MCTP1: variants seen among roughly 807,000 people sequenced by gnomAD.
MCTP1 encodes the protein multiple C2 and transmembrane domain containing 1, also known as multiple C2 and transmembrane domain-containing protein 1.
Under a neutral mutation model 120.6 loss-of-function variants are expected in MCTP1, and 69 were observed. The observed-to-expected ratio is 0.57, with a 90% CI of 0.47 to 0.70. MCTP1 has a LOEUF of 0.70. MCTP1 is among the 30% of genes least tolerant of loss of function. The probability of loss-of-function intolerance (pLI) is 0.00; values close to 1 mark genes in which losing one functional copy is unlikely to be tolerated. For missense variants in MCTP1, 1,203 were observed against 1,248.8 expected (o/e 0.96, Z 0.55); for synonymous variants, 529 against 493.1 (o/e 1.07, Z -0.96).
intron 1 of MCTP1, among the ~76,000 whole-genome samples, chr5:95,226,586 A>G (rs187061547): frequency 2.4e-3 from 368 of 151,712 alleles, no homozygotes; most frequent in African/African-American, 8.7e-3. Context: ...GCTCTCTCAG[A>G]ACACCTTTTT....
At chr5:94,798,977 AC>A (rs758622433) in intron 18 of MCTP1, 35 bp downstream of exon 18, 2 of 1,592,868 alleles carry the variant, frequency 1.3e-6, no homozygotes, top group South Asian at 2.3e-5. Flanking sequence ...CAGAATAAGA[AC>A]AAAAACACAT....
chr5:95,104,979 A>G (rs1756987214), intron 1 of MCTP1, among the ~76,000 whole-genome samples: 1 of 152,182 alleles, frequency 6.6e-6, no homozygotes, highest in South Asian at 2.1e-4. Flanking sequence ...TGTTCTGTAA[A>G]AAATTATTTA....
intron 17 of MCTP1, among the ~76,000 whole-genome samples, chr5:94,810,940 T>C (rs113226982): frequency 9.1e-4 from 139 of 152,302 alleles, no homozygotes; most frequent in African/African-American, 3.2e-3. Context: ...ATTTTCACCC[T>C]CATAAATAGA....
chr5:95,140,789 A>G (rs1315569683), intron 1 of MCTP1, among the ~76,000 whole-genome samples: 1 of 142,134 alleles, frequency 7.0e-6, no homozygotes, highest in African/African-American at 2.6e-5. Context: ...CTGAGGCAGG[A>G]GAATGGCGTG....
chr5:94,707,508 GTTTTTCTTTCTTT>G lies in MCTP1; in HGVS notation c.2975_2987del (p.Lys992ThrfsTer49). 1 of 1,611,364 alleles carries G rather than the reference GTTTTTCTTTCTTT, an allele frequency of 6.2e-7. No individual in the cohort carries two copies. The highest frequency in any genetic ancestry group is 8.5e-7 in the Non-Finnish European group (1 of 1,178,160). On this transcript the variant is annotated frameshift_variant, in exon 23 of 23. Coordinates refer to ENST00000515393, the MANE Select transcript of MCTP1 (RefSeq NM_024717.7). LOFTEE classifies it high-confidence loss of function. ...TGCTGGGAGCTGGCTAGCCAAGATTGTTTTTCTTTCTTTTATATGGGCTATGAGAAGGATCTGG... is the reference window on the plus strand; with the variant it reads ...TGCTGGGAGCTGGCTAGCCAAGATTGTATATGGGCTATGAGAAGGATCTGG...
intron 2 of MCTP1, among the ~76,000 whole-genome samples, chr5:94,975,029 G>A (rs564233616): frequency 2.6e-5 from 4 of 152,134 alleles, no homozygotes; most frequent in East Asian, 3.9e-4. Flanking sequence ...AAAATCTTAC[G>A]ATTGTTTTTC....
chr5:94,953,066 C>G (rs1485486361), intron 3 of MCTP1, among the ~76,000 whole-genome samples, 153 bp downstream of exon 3: 1 of 152,184 alleles, frequency 6.6e-6, no homozygotes, highest in African/African-American at 2.4e-5. Flanking sequence ...TTCCCTCTAT[C>G]TCACTTCTAT....
intron 17 of MCTP1, among the ~76,000 whole-genome samples, chr5:94,832,375 G>A (rs17418646): frequency 0.012 from 1,784 of 152,172 alleles, 17 homozygotes; most frequent in Non-Finnish European, 0.018. Context: ...GGTAATCACC[G>A]CACCTTCCCC....
Position 94,707,476 on chromosome 5 carries a change from T to G in MCTP1, c.*20A>C, listed in dbSNP as rs536912311. The G allele has an allele frequency of 1.9e-6, 3 of 1,581,326 alleles. No individual in the cohort carries two copies. In the South Asian group the frequency reaches 3.3e-5, roughly 18 times the overall value. On this transcript the variant is annotated 3_prime_UTR_variant, in exon 23 of 23. Transcript: ENST00000515393. The stretch of plus-strand genomic sequence containing the variant: ...TTATCTTCCCAAACAGATGCTGGTC[T>G]CCTCAGTGCTGGGAGCTGGCTAGCC...
At chr5:94,990,957 G>A (rs1831443823) in intron 2 of MCTP1, among the ~76,000 whole-genome samples, 1 of 151,988 alleles carries the variant, frequency 6.6e-6, no homozygotes, top group African/African-American at 2.4e-5. Flanking sequence ...AGTTGTGCTG[G>A]ACTTACTAAA....
chr5:95,061,257 A>G (rs1227947806), intron 1 of MCTP1, among the ~76,000 whole-genome samples: 1 of 151,876 alleles, frequency 6.6e-6, no homozygotes, highest in Non-Finnish European at 1.5e-5. Context: ...CTAGCAAAAG[A>G]GATAAATAAG....
chr5:95,013,486 G>A (rs1468210373), intron 2 of MCTP1, among the ~76,000 whole-genome samples: 1 of 152,038 alleles, frequency 6.6e-6, no homozygotes, highest in African/African-American at 2.4e-5. Context: ...TCATGTTAGG[G>A]GCTAATGCAG....
intron 1 of MCTP1, among the ~76,000 whole-genome samples, chr5:95,183,927 T>A (rs546454758): frequency 2.0e-5 from 3 of 151,800 alleles, no homozygotes; most frequent in Admixed American, 6.6e-5. Flanking sequence ...AAACACCGCA[T>A]GTTCTCACTC....
intron 12 of MCTP1, among the ~76,000 whole-genome samples, chr5:94,884,400 C>G (rs1800782585): frequency 6.6e-6 from 1 of 152,156 alleles, no homozygotes; most frequent in Non-Finnish European, 1.5e-5. Flanking sequence ...CTTGACTCCT[C>G]TCTGGTTTCC....
chr5:94,893,266 G>T (rs1177283801), intron 11 of MCTP1, among the ~76,000 whole-genome samples: 1 of 152,080 alleles, frequency 6.6e-6, no homozygotes, highest in Non-Finnish European at 1.5e-5. Context: ...TAATATACGG[G>T]ATAATATCAA....
intron 1 of MCTP1, among the ~76,000 whole-genome samples, chr5:95,195,246 GT>G (rs894395846): frequency 2.0e-5 from 3 of 152,140 alleles, no homozygotes; most frequent in African/African-American, 7.2e-5. Flanking sequence ...AGAATCTTGG[GT>G]TTTTCCCCCG....
chr5:94,758,031 A>G (rs564792522), intron 19 of MCTP1, among the ~76,000 whole-genome samples: 1 of 152,362 alleles, frequency 6.6e-6, no homozygotes, highest in South Asian at 2.1e-4. Flanking sequence ...TGGAGGCCTC[A>G]AAAGAAAAAA....
intron 8 of MCTP1, among the ~76,000 whole-genome samples, 187 bp from the exon 9 acceptor site, chr5:94,913,163 CATG>C (rs1269971954): frequency 2.6e-5 from 4 of 151,868 alleles, no homozygotes; most frequent in Non-Finnish European, 4.4e-5. Flanking sequence ...ATTATCATTT[CATG>C]ATAAATTCGT....
At chr5:94,781,977 G>T (rs1420882002) in intron 18 of MCTP1, among the ~76,000 whole-genome samples, 1 of 152,082 alleles carries the variant, frequency 6.6e-6, no homozygotes, top group Admixed American at 6.6e-5. Flanking sequence ...TACAAGTGAG[G>T]ATTTATAATA....
Sources: allele counts gnomAD v4.1 joint callset (sites outside exome capture counted in the v4.1 genomes callset), GRCh38; gene constraint gnomAD v4.1.1; transcripts MANE v1.5; gene names NCBI Gene and HGNC (gene_info 2026-07-23, HGNC 2026-07-21).